The following CCDC171 variants were observed in gnomAD, a reference collection of about 807,000 sequenced individuals.
CCDC171 encodes the protein coiled-coil domain containing 171, also known as coiled-coil domain-containing protein 171.
A neutral mutation model predicts 168.2 loss-of-function variants in CCDC171; 177 were observed. The ratio of observed to expected loss-of-function variants is 1.05; its 90% CI spans 0.93 to 1.19. The LOEUF (loss-of-function observed/expected upper bound fraction) is 1.19, where lower values mean the gene tolerates loss of function less well. Ranked by LOEUF, CCDC171 falls within the 50% of genes most tolerant of loss-of-function variation. The pLI, the probability that CCDC171 is intolerant of heterozygous loss-of-function variation, is 0.00. For synonymous variants in CCDC171, 687 were observed against 540.8 expected, an observed-to-expected ratio of 1.27 and a Z score of -3.75; for missense variants, 1,991 against 1,539.0, an observed-to-expected ratio of 1.29 and a Z score of -4.91.
At chr9:15,714,293 G>T (rs1305256044) in intron 11 of CCDC171, among the ~76,000 whole-genome samples, 1 of 152,126 alleles carries the variant, frequency 6.6e-6, no homozygotes, top group Non-Finnish European at 1.5e-5. Flanking sequence ...TTTTCCACTT[G>T]ATTTTCCTCT....
chr9:15,905,761 T>C (rs1235452911), intron 24 of CCDC171, among the ~76,000 whole-genome samples: 1 of 151,958 alleles, frequency 6.6e-6, no homozygotes, highest in Non-Finnish European at 1.5e-5. Flanking sequence ...ATCAACCAGA[T>C]TGATAGACTG....
intron 25 of CCDC171, among the ~76,000 whole-genome samples, chr9:15,958,061 C>T (rs1297161989): frequency 6.6e-6 from 1 of 151,974 alleles, no homozygotes; most frequent in East Asian, 1.9e-4. Context: ...TAAAAGATGC[C>T]CTGTTCATTT....
intron 25 of CCDC171, among the ~76,000 whole-genome samples, chr9:15,931,344 G>C (rs1826474695): frequency 2.7e-5 from 4 of 150,768 alleles, no homozygotes. Flanking sequence ...GATTAGTGAT[G>C]TTGAGCATTT....
At chr9:15,843,332 G>A (rs553276081) in intron 21 of CCDC171, among the ~76,000 whole-genome samples, 11 of 152,182 alleles carry the variant, frequency 7.2e-5, no homozygotes, top group Admixed American at 2.0e-4. Flanking sequence ...ATTGGTTCTT[G>A]TGTAGGTAGA....
At chr9:15,614,824 A>T (rs1452989857) in intron 6 of CCDC171, among the ~76,000 whole-genome samples, 2 of 152,172 alleles carry the variant, frequency 1.3e-5, no homozygotes, top group Non-Finnish European at 2.9e-5. Flanking sequence ...TTACTATAGG[A>T]TTGTTTGGCT....
At chr9:16,049,220 G>T (rs1214635938) in intron 1 of CCDC171, among the ~76,000 whole-genome samples, 1 of 152,176 alleles carries the variant, frequency 6.6e-6, no homozygotes, top group Non-Finnish European at 1.5e-5. Flanking sequence ...CAATTACCTT[G>T]TTATTGTCTT....
intron 25 of CCDC171, among the ~76,000 whole-genome samples, chr9:15,938,195 G>A (rs1370070166): frequency 6.6e-6 from 1 of 151,744 alleles, no homozygotes; most frequent in African/African-American, 2.4e-5. Flanking sequence ...TATGTAATTT[G>A]CTCAATACCA....
chr9:15,709,889 G>T (rs2052529422), intron 11 of CCDC171, among the ~76,000 whole-genome samples: 1 of 152,032 alleles, frequency 6.6e-6, no homozygotes, highest in Non-Finnish European at 1.5e-5. Context: ...GCAGAATAGT[G>T]TAACAAAATC....
At chr9:15,559,798 A>C (rs201457276) in intron 1 of CCDC171, among the ~76,000 whole-genome samples, 3 of 152,086 alleles carry the variant, frequency 2.0e-5, no homozygotes, top group Non-Finnish European at 4.4e-5. Flanking sequence ...TATTTTGCTC[A>C]TTAGTTGATG....
intron 21 of CCDC171, among the ~76,000 whole-genome samples, chr9:15,810,479 TGGG>T (rs2059295438): frequency 1.4e-4 from 1 of 7,102 alleles, no homozygotes; most frequent in African/African-American, 7.9e-4. Context: ...TAGGGCCACT[TGGG>T]GGCCCGCCAT....
chr9:15,986,538 C>T (rs758183840), intron 3 of CCDC171, among the ~76,000 whole-genome samples: 3 of 152,174 alleles, frequency 2.0e-5, no homozygotes, highest in South Asian at 2.1e-4. Flanking sequence ...AACCTGCTCT[C>T]GTAAAAATCC....
At chr9:15,720,353 C>T (rs995147936) in intron 11 of CCDC171, among the ~76,000 whole-genome samples, 4 of 152,056 alleles carry the variant, frequency 2.6e-5, no homozygotes, top group African/African-American at 9.7e-5. Context: ...AATTTTTTAT[C>T]TACTATCTTT....
At chr9:15,835,997 TACTC>T (rs1304721058) in intron 21 of CCDC171, among the ~76,000 whole-genome samples, 1 of 152,176 alleles carries the variant, frequency 6.6e-6, no homozygotes, top group Non-Finnish European at 1.5e-5. Flanking sequence ...TATATTTACA[TACTC>T]ACCTAAGTCT....
chr9:15,916,346 T>A (rs970813956), intron 24 of CCDC171, among the ~76,000 whole-genome samples: 16 of 151,980 alleles, frequency 1.1e-4, no homozygotes, highest in Admixed American at 1.0e-3. Flanking sequence ...TATCCTGATT[T>A]TGTGAGAATG....
chr9:15,791,349 C>T (rs958970271), intron 21 of CCDC171, among the ~76,000 whole-genome samples: 2 of 152,002 alleles, frequency 1.3e-5, no homozygotes, highest in African/African-American at 4.8e-5. Context: ...ATTTTATTCT[C>T]TTTGAAGCAA....
intron 7 of CCDC171, among the ~76,000 whole-genome samples, chr9:15,627,562 C>T (rs1167873290): frequency 6.6e-6 from 1 of 152,168 alleles, no homozygotes; most frequent in Non-Finnish European, 1.5e-5. Context: ...TTTCTGTCTT[C>T]ATTTCGTTAT....
Position 15,972,849 on chromosome 9 carries a change from C to T in CCDC171, c.*1013C>T, listed in dbSNP as rs1406405177. 1 of 152,114 alleles carries T rather than the reference C, an allele frequency of 6.6e-6. No individual in the cohort carries two copies. The highest frequency in any genetic ancestry group is 1.5e-5 in the Non-Finnish European group (1 of 68,040). The allele number at this position is 152,114 out of a possible 1,614,324, so 9.4% of individuals were successfully genotyped here. On this transcript the variant is annotated 3_prime_UTR_variant, in exon 26 of 26. Transcript: ENST00000380701. ...GGGAGCTGACAAGATGCCCCAGTGA[C>T]ATTTCAGCTAGAAAGAGCAAGTGTC... is the stretch of plus-strand genomic sequence containing the variant.
At chr9:16,063,218 A>C (rs1833955521), downstream of CCDC171, among the ~76,000 whole-genome samples, 1 of 152,206 alleles carries the variant, frequency 6.6e-6, no homozygotes, top group Admixed American at 6.5e-5. Flanking sequence ...ATTTTCAAGT[A>C]ATAGAGTGAG....
intron 10 of CCDC171, among the ~76,000 whole-genome samples, chr9:15,683,795 A>T (rs970563505): frequency 8.5e-5 from 13 of 152,096 alleles, no homozygotes; most frequent in African/African-American, 3.1e-4. Flanking sequence ...TATGTGTGTG[A>T]GAGAGACAGA....
Sources: gnomAD v4.1 joint callset for allele counts (sites outside exome capture counted in the v4.1 genomes callset) on GRCh38, gnomAD v4.1.1 for gene constraint, MANE v1.5 for transcripts, NCBI Gene and HGNC (gene_info 2026-07-23, HGNC 2026-07-21) for gene names.